Variants in DDX60L observed in about 807,000 individuals in gnomAD.
DDX60L encodes DExD/H-box 60 like.
Under a neutral mutation model 211.6 loss-of-function variants are expected in DDX60L, and 191 were observed. That is an observed-to-expected ratio of 0.90 (90% CI 0.80 to 1.02). The LOEUF is 1.02. Among genes scored for constraint, DDX60L ranks in the 50% least tolerant of loss-of-function variants. DDX60L has a pLI of 0.00. For missense variants in DDX60L, 2,007 were observed against 1,984.1 expected (o/e 1.01, Z -0.22); for synonymous variants, 706 against 694.1 (o/e 1.02, Z -0.27).
chr4:168,359,671 T>C (rs958231212), intron 37 of DDX60L, among the ~76,000 whole-genome samples: 2 of 152,220 alleles, frequency 1.3e-5, no homozygotes, highest in East Asian at 1.9e-4. Context: ...GTCGTACTCA[T>C]CCTTAGAAAC....
intron 8 of DDX60L, among the ~76,000 whole-genome samples, chr4:168,449,631 T>TAAAAAAAAAAAAAAAAAAAAAAAAAA (rs1755397945): frequency 1.1e-4 from 1 of 9,134 alleles, no homozygotes; most frequent in African/African-American, 7.7e-4. Flanking sequence ...AAAAAAAACA[T>TAAAAAAAAAAAAAAAAAAAAAAAAAA]TAAAACAAAA....
intron 1 of DDX60L, among the ~76,000 whole-genome samples, chr4:168,479,710 T>C (rs933813712): frequency 6.6e-6 from 1 of 152,086 alleles, no homozygotes; most frequent in Non-Finnish European, 1.5e-5. Context: ...GGCTCACGCC[T>C]GTAATCCCAG....
chr4:168,367,976 A>T (rs1246533428), intron 36 of DDX60L, among the ~76,000 whole-genome samples: 3 of 152,210 alleles, frequency 2.0e-5, no homozygotes, highest in African/African-American at 7.2e-5. Flanking sequence ...GTTTTATAAG[A>T]GAAGCAGAGC....
intron 36 of DDX60L, among the ~76,000 whole-genome samples, chr4:168,369,903 TAAA>T (rs1740692854): frequency 1.3e-5 from 2 of 152,048 alleles, no homozygotes; most frequent in South Asian, 4.1e-4. Context: ...CTATTAATAA[TAAA>T]AAGACAAAAG....
In DDX60L at chr4:168,384,770, T is replaced by C; in HGVS notation, c.3958A>G (p.Asn1320Asp). Residue 1320 changes from asparagine (N) to aspartate (D), a missense_variant, in exon 30 of 38, where the codon AAT (asparagine) becomes GAT (aspartate). Asn to Asp is a conservative substitution (Grantham distance 23). Transcript: ENST00000682922. ...AGRRGQDLLG[N>D]VYFFDIPLPK... is the part of the protein sequence containing the mutation. ...AATGGGATATCAAAGAAATACACAT[T>C]TCCAAGCAGGTCTTGACCTCTTCTT... is the stretch of plus-strand genomic sequence containing the variant. 1.2e-6 allele frequency: 2 copies of C among 1,613,614 alleles called. No homozygotes were observed. Among genetic ancestry groups the C allele is most frequent in the Non-Finnish European group, 1.7e-6 (2 of 1,179,786 alleles).
chr4:168,421,377 T>C (rs565251007), intron 17 of DDX60L, among the ~76,000 whole-genome samples: 2 of 152,140 alleles, frequency 1.3e-5, no homozygotes, highest in Non-Finnish European at 2.9e-5. Context: ...AATAGTTTCT[T>C]GGCCGGGCAC....
At chr4:168,363,600 T>G (rs1739452095) in intron 36 of DDX60L, among the ~76,000 whole-genome samples, 1 of 152,216 alleles carries the variant, frequency 6.6e-6, no homozygotes, top group Admixed American at 6.5e-5. Context: ...AATATTTTTA[T>G]GTGACCAAAG....
In DDX60L at chr4:168,477,276, G is replaced by A. The variant is rs548137350; in HGVS notation, c.-111+3101C>T. Among the ~76,000 whole-genome samples the A allele has an allele frequency of 3.3e-5, 5 of 152,112 alleles. No individual in the cohort carries two copies. In the East Asian group the frequency reaches 5.8e-4, roughly 18 times the overall value. On this transcript the variant is annotated intron_variant, in intron 1 of 37. Coordinates refer to ENST00000682922, the MANE Select transcript of DDX60L (RefSeq NM_001012967.3). ...TAAAAATACAAAAAATTAGCCGGGC[G>A]TGGTGGCAGGCGCCTGTAGTCCCGG...
intron 14 of DDX60L, 59 bp downstream of exon 14, chr4:168,427,011 G>A: frequency 3.3e-6 from 5 of 1,493,338 alleles, no homozygotes; most frequent in Non-Finnish European, 4.5e-6. Context: ...CAGTAAATAT[G>A]TTAACATCAT....
chr4:168,450,307 G>C (rs1271667947), intron 8 of DDX60L, among the ~76,000 whole-genome samples: 1 of 152,088 alleles, frequency 6.6e-6, no homozygotes, highest in Non-Finnish European at 1.5e-5. Context: ...AACTGACTCA[G>C]TGCAAGAAGA....
intron 4 of DDX60L, chr4:168,469,527 T>C (rs1057293255): frequency 2.6e-5 from 4 of 152,122 alleles, no homozygotes; most frequent in African/African-American, 9.7e-5. Flanking sequence ...CATTAAAGAA[T>C]AATAAGTTAG....
chr4:168,430,146 C>A (rs1752124431), intron 13 of DDX60L, among the ~76,000 whole-genome samples: 1 of 152,082 alleles, frequency 6.6e-6, no homozygotes, highest in Non-Finnish European at 1.5e-5. Flanking sequence ...TTGCAGTGAG[C>A]CAAGATCGTG....
At chr4:168,364,268 T>C (rs2149600338) in intron 36 of DDX60L, among the ~76,000 whole-genome samples, 1 of 152,334 alleles carries the variant, frequency 6.6e-6, no homozygotes, top group Admixed American at 6.5e-5. Flanking sequence ...GCAATACTTA[T>C]ATCAGATAAA....
In DDX60L at chr4:168,457,916, C is replaced by A. The variant is rs1756811279; in HGVS notation, c.699G>T (p.Leu233Phe). The A allele has an allele frequency of 1.3e-6, 2 of 1,553,950 alleles. No homozygotes were observed. The highest frequency in any genetic ancestry group is 2.3e-5 in the East Asian group (1 of 42,976). The part of the protein sequence containing the change: ...VLVLATHFEH[L>F]KWNDMMEEAY... ...CCTCTTCCATCATATCATTCCATTT[C>A]AAATGTTCAAAATGAGTTGCTAATA... The change falls in exon 6 of 38, where the codon TTG (leucine) becomes TTT (phenylalanine). Residue 233 changes from leucine (L) to phenylalanine (F), a missense_variant. By Grantham distance (22) the Leu-to-Phe change is conservative (BLOSUM62 0). Coordinates refer to ENST00000682922, the MANE Select transcript of DDX60L (RefSeq NM_001012967.3).
intron 9 of DDX60L, among the ~76,000 whole-genome samples, chr4:168,446,542 T>C (rs1250927776): frequency 2.0e-5 from 3 of 152,212 alleles, no homozygotes; most frequent in Admixed American, 6.5e-5. Flanking sequence ...TTAAAGTTCA[T>C]ACGGAACCGA....
intron 22 of DDX60L, among the ~76,000 whole-genome samples, chr4:168,410,781 C>T (rs747532383): frequency 2.0e-5 from 3 of 152,052 alleles, no homozygotes; most frequent in South Asian, 2.1e-4. Flanking sequence ...AGTCATGTTC[C>T]GATTTTTATG....
chr4:168,406,724 AATGG>A lies in DDX60L; in HGVS notation c.2980-22_2980-19del, dbSNP rs1201180860. The A allele has an allele frequency of 6.9e-7, 1 of 1,455,860 alleles. No homozygotes were observed. The highest frequency in any genetic ancestry group is 1.3e-5 in the South Asian group (1 of 79,460). The allele number at this position is 1,455,860 out of a possible 1,614,324, so 90.2% of individuals were successfully genotyped here. A position where few individuals can be genotyped will look rare whatever the true frequency, so the allele number is the denominator to read the frequency against. On this transcript the variant is annotated intron_variant, in intron 22 of 37. Transcript: ENST00000682922. ...TTTTCAATCTGTGAATAAACAAATT[AATGG>A]ATGGATGAAGAAATAAAATTACAAT...
chr4:168,453,322 C>T (rs368165473), intron 7 of DDX60L, 40 bp from the exon 8 acceptor site: 52 of 1,566,104 alleles, frequency 3.3e-5, no homozygotes, highest in Non-Finnish European at 4.3e-5. Flanking sequence ...CACAATGTCA[C>T]GCTGTGAAAT....
At chr4:168,433,960 T>C (rs901572769) in intron 10 of DDX60L, among the ~76,000 whole-genome samples, 1 of 152,238 alleles carries the variant, frequency 6.6e-6, no homozygotes, top group Non-Finnish European at 1.5e-5. Flanking sequence ...ACTTAAAAGA[T>C]ATTATTTCAT....
Sources: gnomAD v4.1 joint callset for allele counts (sites outside exome capture counted in the v4.1 genomes callset) on GRCh38, gnomAD v4.1.1 for gene constraint, MANE v1.5 for transcripts, NCBI Gene and HGNC (gene_info 2026-07-23, HGNC 2026-07-21) for gene names.